The following PRKG1 variants were observed in gnomAD, a reference collection of about 807,000 sequenced individuals.
PRKG1 encodes the protein protein kinase cGMP-dependent 1, also known as cGMP-dependent protein kinase 1.
In PRKG1, 35 loss-of-function variants were observed where a neutral mutation model predicts 88.1. The observed-to-expected ratio is 0.40, with a 90% confidence interval of 0.30 to 0.53. The LOEUF is 0.53. Ranked by LOEUF, PRKG1 falls within the 20% of genes least tolerant of loss-of-function variation. The pLI is 0.59. For missense variants in PRKG1, 540 were observed against 839.8 expected (o/e 0.64, Z 4.41); for synonymous variants, 303 against 292.5 (o/e 1.04, Z -0.37).
chr10:52,287,534 C>A (rs532653508), intron 14 of PRKG1, among the ~76,000 whole-genome samples: 2 of 151,872 alleles, frequency 1.3e-5, no homozygotes, highest in Non-Finnish European at 1.5e-5. Flanking sequence ...CAAAGACACA[C>A]AAAACCTGTA....
chr10:51,736,704 T>TTTCAAGCGGTCCTCCTGGA (rs1407929014), intron 3 of PRKG1, among the ~76,000 whole-genome samples: 6 of 151,654 alleles, frequency 4.0e-5, no homozygotes, highest in African/African-American at 7.3e-5. Flanking sequence ...GAACTCCTGG[T>TTTCAAGCGGTCCTCCTGGA]TTCAAGCGGT....
chr10:51,162,799 A>G (rs1470182890), intron 2 of PRKG1, among the ~76,000 whole-genome samples: 2 of 152,154 alleles, frequency 1.3e-5, no homozygotes, highest in Non-Finnish European at 2.9e-5. Flanking sequence ...GCTCACTGCA[A>G]CCTTGAACTC....
At chr10:51,435,876 T>C (rs1447762043) in intron 2 of PRKG1, among the ~76,000 whole-genome samples, 1 of 152,038 alleles carries the variant, frequency 6.6e-6, no homozygotes, top group East Asian at 1.9e-4. Context: ...TGAGCTTGCT[T>C]TCTCTCTTCT....
intron 3 of PRKG1, among the ~76,000 whole-genome samples, chr10:51,543,701 T>C (rs1842371395): frequency 6.6e-6 from 1 of 152,162 alleles, no homozygotes; most frequent in Non-Finnish European, 1.5e-5. Flanking sequence ...GTGTGAACCA[T>C]ACAGAAAGGT....
chr10:52,194,999 G>A (rs1355906917), intron 9 of PRKG1, among the ~76,000 whole-genome samples: 1 of 152,110 alleles, frequency 6.6e-6, no homozygotes, highest in Non-Finnish European at 1.5e-5. Context: ...ATTGAACTCT[G>A]AGAAAGTACC....
At chr10:52,248,519 G>C (rs1336577207) in intron 9 of PRKG1, among the ~76,000 whole-genome samples, 2 of 152,084 alleles carry the variant, frequency 1.3e-5, no homozygotes, top group Non-Finnish European at 2.9e-5. Flanking sequence ...CACACAACTA[G>C]GTAGTGTTTT....
chr10:51,481,523 A>C (rs1840358924), intron 3 of PRKG1, among the ~76,000 whole-genome samples: 1 of 152,178 alleles, frequency 6.6e-6, no homozygotes, highest in Non-Finnish European at 1.5e-5. Context: ...TGCTAGGATT[A>C]TAGGCATGAG....
At chr10:51,952,034 A>G (rs986845316) in intron 5 of PRKG1, among the ~76,000 whole-genome samples, 1 of 152,198 alleles carries the variant, frequency 6.6e-6, no homozygotes, top group African/African-American at 2.4e-5. Flanking sequence ...TTAGTTTCCA[A>G]CTACAAGAGG....
chr10:52,102,848 TA>T (rs1477806340), intron 7 of PRKG1, among the ~76,000 whole-genome samples: 2 of 152,148 alleles, frequency 1.3e-5, no homozygotes, highest in African/African-American at 4.8e-5. Flanking sequence ...TAGACCATTC[TA>T]TGATATGGGC....
chr10:51,609,767 T>G (rs1838857119), intron 3 of PRKG1, among the ~76,000 whole-genome samples: 1 of 152,082 alleles, frequency 6.6e-6, no homozygotes, highest in Admixed American at 6.6e-5. Context: ...TGTTCTCACT[T>G]TTTAGTGGGA....
intron 9 of PRKG1, among the ~76,000 whole-genome samples, chr10:52,234,538 T>C (rs1457584975): frequency 6.7e-6 from 1 of 150,178 alleles, no homozygotes; most frequent in Non-Finnish European, 1.5e-5. Flanking sequence ...GAGGAGCCGA[T>C]GCGATCAACT....
At chr10:51,811,894 C>T (rs541818265) in intron 4 of PRKG1, among the ~76,000 whole-genome samples, 1 of 152,176 alleles carries the variant, frequency 6.6e-6, no homozygotes, top group African/African-American at 2.4e-5. Flanking sequence ...GATGCTCATG[C>T]AGCTAGTCTG....
chr10:51,609,048 G>T (rs966043059), intron 3 of PRKG1, among the ~76,000 whole-genome samples: 131 of 151,774 alleles, frequency 8.6e-4, no homozygotes, highest in Middle Eastern at 3.4e-3. Context: ...AAGTAAAAAA[G>T]TTATAATAAG....
rs184059060 is a variant in PRKG1 at position 51,731,961 on chromosome 10, C to G, written c.593-72624C>G. Among the ~76,000 whole-genome samples, 930 of 152,160 alleles carry G rather than the reference C, an allele frequency of 6.1e-3. 11 individuals carry two copies. The highest frequency in any genetic ancestry group is 0.021 in the African/African-American group (874 of 41,484). On this transcript the variant is annotated intron_variant, in intron 3 of 17. Transcript: ENST00000373980. ...GTCTTTCCTCTGGGTGCATGGCCCCCTGGGGTCTTTCTCTGTGTCCAAATT... is the reference window on the plus strand; with the variant it reads ...GTCTTTCCTCTGGGTGCATGGCCCCGTGGGGTCTTTCTCTGTGTCCAAATT...
intron 1 of PRKG1, among the ~76,000 whole-genome samples, chr10:51,052,141 T>C (rs1483260114): frequency 6.6e-6 from 1 of 152,212 alleles, no homozygotes; most frequent in Non-Finnish European, 1.5e-5. Context: ...TTATTGTTTC[T>C]CAAAAATGAT....
intron 3 of PRKG1, among the ~76,000 whole-genome samples, chr10:51,796,281 G>T (rs1839008305): frequency 6.6e-6 from 1 of 151,904 alleles, no homozygotes; most frequent in African/African-American, 2.4e-5. Context: ...ATATTTTCTG[G>T]TGATAACATT....
intron 9 of PRKG1, among the ~76,000 whole-genome samples, chr10:52,225,216 G>T (rs1840362297): frequency 6.6e-6 from 1 of 151,958 alleles, no homozygotes; most frequent in Admixed American, 6.6e-5. Flanking sequence ...GTTTTGATTT[G>T]CATTTCCCTG....
At position 51,306,801 on chromosome 10, in the gene PRKG1, C is replaced by T. The variant is rs1037241409; in HGVS notation, c.478+153471C>T. 5.3e-5 allele frequency: 8 copies of T among 152,142 alleles called. No homozygotes were observed. In the South Asian group the frequency reaches 1.5e-3, roughly 28 times the overall value. 9.4% of individuals were successfully genotyped at this position (152,142 alleles called of 1,614,324 possible). On this transcript the variant is annotated intron_variant, in intron 2 of 17. Transcript: ENST00000373980. The stretch of plus-strand genomic sequence containing the variant: ...TGCAAAGTTCATTTACTTACATTGC[C>T]AAAAGTTATGTGATTTTACTAAATC...
chr10:51,043,087 G>T (rs887682130), intron 1 of PRKG1, among the ~76,000 whole-genome samples: 2 of 152,078 alleles, frequency 1.3e-5, no homozygotes, highest in African/African-American at 4.8e-5. Flanking sequence ...CTAAGACAAG[G>T]GACAAGGGGA....
Sources: allele counts gnomAD v4.1 joint callset (sites outside exome capture counted in the v4.1 genomes callset), GRCh38; gene constraint gnomAD v4.1.1; transcripts MANE v1.5; gene names NCBI Gene and HGNC (gene_info 2026-07-23, HGNC 2026-07-21).